Variants in TRDN observed in about 807,000 individuals in gnomAD.
The protein encoded by TRDN is triadin, also known as triadin in skeletal muscle.
Under a neutral mutation model 149.7 loss-of-function variants are expected in TRDN, and 161 were observed. The ratio of observed to expected loss-of-function variants is 1.08; its 90% confidence interval spans 0.95 to 1.23. The LOEUF (loss-of-function observed/expected upper bound fraction) is 1.23, where lower values mean the gene tolerates loss of function less well. Ranked by LOEUF, TRDN falls within the 50% of genes most tolerant of loss-of-function variation. The probability of loss-of-function intolerance (pLI) is 0.00; values close to 1 mark genes in which losing one functional copy is unlikely to be tolerated. For synonymous variants in TRDN, 294 were observed against 250.5 expected, an observed-to-expected ratio of 1.17 and a Z score of -1.64; for missense variants, 896 against 823.5, an observed-to-expected ratio of 1.09 and a Z score of -1.08.
At chr6:123,598,847 A>C (rs1316703566) in intron 1 of TRDN, among the ~76,000 whole-genome samples, 1 of 152,116 alleles carries the variant, frequency 6.6e-6, no homozygotes, top group African/African-American at 2.4e-5. Context: ...TTTAAAAAGT[A>C]TTACATGTTT....
chr6:123,539,147 A>T (rs555136171), intron 4 of TRDN, among the ~76,000 whole-genome samples: 17 of 152,328 alleles, frequency 1.1e-4, no homozygotes, highest in Non-Finnish European at 2.2e-4. Flanking sequence ...ATTTTTAGAG[A>T]TCTACAATTT....
At chr6:123,435,829 T>A (rs988144725) in intron 12 of TRDN, among the ~76,000 whole-genome samples, 1 of 152,104 alleles carries the variant, frequency 6.6e-6, no homozygotes, top group Non-Finnish European at 1.5e-5. Context: ...ATGGGCATAA[T>A]CCGTTCTCTT....
chr6:123,403,312 T>C (rs9388235), intron 12 of TRDN, among the ~76,000 whole-genome samples: 53,790 of 151,964 alleles, frequency 0.35, 10,375 homozygotes, highest in East Asian at 0.73. Context: ...GAAAAGAGCA[T>C]AGAAGGAAGC....
intron 9 of TRDN, among the ~76,000 whole-genome samples, chr6:123,491,370 A>G (rs56675892): frequency 0.043 from 6,599 of 152,184 alleles, 434 homozygotes; most frequent in African/African-American, 0.14. Flanking sequence ...ATAGATGATA[A>G]CTGATGAGCT....
In TRDN at chr6:123,273,319, GAT is replaced by G. The variant is rs1777265974; in HGVS notation, c.1624+16_1624+17del. Reference sequence around the variant, plus strand: ...TTCGTAAGAAAGTCTAAGCATAAAAGATAAAATTAATACATACTGTGTATTTG... The same window carrying G: ...TTCGTAAGAAAGTCTAAGCATAAAAGAAAATTAATACATACTGTGTATTTG... On this transcript the variant is annotated intron_variant, in intron 28 of 40. Coordinates refer to ENST00000334268, the MANE Select transcript of TRDN (RefSeq NM_006073.4). 9.3e-7 allele frequency: 1 copy of G among 1,080,714 alleles called. No individual in the cohort carries two copies. Among genetic ancestry groups the G allele is most frequent in the African/African-American group, 1.7e-5 (1 of 59,378 alleles). The allele number at this position is 1,080,714 out of a possible 1,614,324, so 66.9% of individuals were successfully genotyped here.
At chr6:123,310,269 AGT>A (rs1194549370) in intron 24 of TRDN, among the ~76,000 whole-genome samples, 4 of 152,092 alleles carry the variant, frequency 2.6e-5, no homozygotes, top group Non-Finnish European at 5.9e-5. Context: ...AGCATAAAAA[AGT>A]CATAACATTA....
At chr6:123,605,274 T>TTA (rs1784476587) in intron 1 of TRDN, among the ~76,000 whole-genome samples, 1 of 148,000 alleles carries the variant, frequency 6.8e-6, no homozygotes, top group Admixed American at 6.8e-5. Flanking sequence ...AAATATATAT[T>TTA]TATATATAAT....
chr6:123,624,553 T>TG (rs1359906481), intron 1 of TRDN, among the ~76,000 whole-genome samples: 2 of 152,184 alleles, frequency 1.3e-5, no homozygotes, highest in African/African-American at 4.8e-5. Context: ...TTCAGAGGCT[T>TG]GGTCTATGGA....
At chr6:123,599,889 T>C (rs1013827474) in intron 1 of TRDN, among the ~76,000 whole-genome samples, 1 of 151,932 alleles carries the variant, frequency 6.6e-6, no homozygotes, top group Non-Finnish European at 1.5e-5. Flanking sequence ...GCCATGGATA[T>C]ATGCCTCCGA....
intron 21 of TRDN, among the ~76,000 whole-genome samples, chr6:123,348,661 A>G (rs894854169): frequency 1.3e-5 from 2 of 152,122 alleles, no homozygotes; most frequent in African/African-American, 4.8e-5. Flanking sequence ...TATACTTTCT[A>G]TTAAAGATTC....
intron 12 of TRDN, among the ~76,000 whole-genome samples, chr6:123,423,526 A>C (rs962792116): frequency 2.0e-5 from 3 of 152,154 alleles, no homozygotes; most frequent in Non-Finnish European, 4.4e-5. Flanking sequence ...TCATTATTCA[A>C]GAGTTTTAAA....
chr6:123,414,207 C>T (rs71574819), intron 12 of TRDN, among the ~76,000 whole-genome samples: 15,401 of 151,980 alleles, frequency 0.1, 769 homozygotes, highest in Middle Eastern at 0.12. Flanking sequence ...TAATACTTTC[C>T]GAAATATTGA....
intron 12 of TRDN, chr6:123,437,381 ATTTTTT>A (rs565538741): frequency 1.7e-3 from 314 of 186,258 alleles, no homozygotes; most frequent in East Asian, 0.017. Flanking sequence ...TGAGATACAG[ATTTTTT>A]TTTTTTTTTT....
intron 7 of TRDN, among the ~76,000 whole-genome samples, chr6:123,506,066 T>C (rs1778908437): frequency 6.6e-6 from 1 of 152,186 alleles, no homozygotes; most frequent in South Asian, 2.1e-4. Flanking sequence ...TGACTTTAAA[T>C]TGAAATCATT....
intron 9 of TRDN, among the ~76,000 whole-genome samples, chr6:123,495,121 A>G (rs1778390610): frequency 6.6e-6 from 1 of 152,022 alleles, no homozygotes; most frequent in Non-Finnish European, 1.5e-5. Flanking sequence ...ATCATAGCTC[A>G]CACACCCCTG....
At chr6:123,537,986 A>G (rs1780635278) in intron 4 of TRDN, among the ~76,000 whole-genome samples, 1 of 152,174 alleles carries the variant, frequency 6.6e-6, no homozygotes, top group Non-Finnish European at 1.5e-5. Context: ...TAATATGGCA[A>G]ACTGTTAATA....
intron 2 of TRDN, among the ~76,000 whole-genome samples, chr6:123,566,767 A>G (rs111606158): frequency 3.9e-5 from 6 of 152,378 alleles, no homozygotes; most frequent in African/African-American, 1.4e-4. Flanking sequence ...CAAAATTAAC[A>G]TTAAATATGT....
intron 2 of TRDN, among the ~76,000 whole-genome samples, chr6:123,566,915 A>G (rs1782323058): frequency 6.6e-6 from 1 of 152,330 alleles, no homozygotes; most frequent in African/African-American, 2.4e-5. Context: ...TACTACAGAA[A>G]TTATCATTGA....
chr6:123,294,417 A>G (rs1582832723), intron 24 of TRDN, among the ~76,000 whole-genome samples: 1 of 152,100 alleles, frequency 6.6e-6, no homozygotes, highest in African/African-American at 2.4e-5. Context: ...GTGGTCCCCA[A>G]CCTTTTTGAC....
Sources: gnomAD v4.1 joint callset for allele counts (sites outside exome capture counted in the v4.1 genomes callset) on GRCh38, gnomAD v4.1.1 for gene constraint, MANE v1.5 for transcripts, NCBI Gene and HGNC (gene_info 2026-07-23, HGNC 2026-07-21) for gene names.